FHIT: variants seen among roughly 807,000 people sequenced by gnomAD.
FHIT encodes the protein bis(5'-adenosyl)-triphosphatase.
Under a neutral mutation model 17.9 loss-of-function variants are expected in FHIT, and 19 were observed. The ratio of observed to expected loss-of-function variants is 1.06; its 90% CI spans 0.74 to 1.56. FHIT has a LOEUF of 1.56. Among genes scored for constraint, FHIT ranks in the 40% most tolerant of loss-of-function variants. The pLI is 0.00. For synonymous variants in FHIT, 81 were observed against 69.7 expected (o/e 1.16, Z -0.81); for missense variants, 248 against 189.2 (o/e 1.31, Z -1.82).
chr3:60,405,149 G>A (rs904507642), intron 5 of FHIT, among the ~76,000 whole-genome samples: 9 of 152,154 alleles, frequency 5.9e-5, no homozygotes, highest in African/African-American at 2.2e-4. Context: ...AAGCCTGAAA[G>A]CCTAGCTACA....
At chr3:61,048,141 C>A (rs1236062206) in intron 2 of FHIT, among the ~76,000 whole-genome samples, 20 of 151,942 alleles carry the variant, frequency 1.3e-4, no homozygotes, top group East Asian at 7.7e-4. Flanking sequence ...TAATTAAACT[C>A]AAGAGCTTCT....
intron 4 of FHIT, among the ~76,000 whole-genome samples, chr3:60,688,840 A>G (rs2040920626): frequency 6.6e-6 from 1 of 152,036 alleles, no homozygotes; most frequent in East Asian, 1.9e-4. Context: ...TGCTTTGTGT[A>G]GTTTATGCTT....
intron 5 of FHIT, among the ~76,000 whole-genome samples, chr3:60,327,256 G>A (rs543349319): frequency 9.9e-4 from 151 of 152,268 alleles, no homozygotes; most frequent in Admixed American, 1.6e-3. Flanking sequence ...TCACTGCTGT[G>A]TCCCCAGGAC....
At chr3:59,783,644 G>C (rs1197205730) in intron 8 of FHIT, among the ~76,000 whole-genome samples, 1 of 152,120 alleles carries the variant, frequency 6.6e-6, no homozygotes, top group African/African-American at 2.4e-5. Context: ...TCTTAGTTGA[G>C]AGAGGTGGTC....
chr3:59,798,190 G>A (rs1699854857), intron 8 of FHIT, among the ~76,000 whole-genome samples: 1 of 152,176 alleles, frequency 6.6e-6, no homozygotes, highest in Non-Finnish European at 1.5e-5. Flanking sequence ...ATCTAAGACA[G>A]TATTTCAGCT....
intron 5 of FHIT, among the ~76,000 whole-genome samples, chr3:60,285,589 T>C (rs1382257005): frequency 6.6e-6 from 1 of 152,150 alleles, no homozygotes; most frequent in Non-Finnish European, 1.5e-5. Context: ...AAAGAGATTT[T>C]TCAGGCATAA....
intron 8 of FHIT, among the ~76,000 whole-genome samples, chr3:59,851,854 C>T (rs1701951801): frequency 6.6e-6 from 1 of 152,180 alleles, no homozygotes. Context: ...GAAAATCAGA[C>T]ACGACTTTGC....
intron 2 of FHIT, among the ~76,000 whole-genome samples, chr3:61,127,665 G>C (rs1400171496): frequency 6.6e-6 from 1 of 151,984 alleles, no homozygotes; most frequent in African/African-American, 2.4e-5. Flanking sequence ...AGGAGTTCGA[G>C]ACCAGCCTGA....
intron 5 of FHIT, among the ~76,000 whole-genome samples, chr3:60,377,620 T>C (rs377486856): frequency 0.029 from 4,341 of 150,266 alleles, 103 homozygotes; most frequent in Middle Eastern, 0.066. Context: ...TAGCTGGGAC[T>C]ACAGGCGCCC....
At chr3:59,815,186 GT>G (rs1201064245) in intron 8 of FHIT, among the ~76,000 whole-genome samples, 4 of 152,004 alleles carry the variant, frequency 2.6e-5, no homozygotes, top group Non-Finnish European at 5.9e-5. Context: ...TCTGTTTTTT[GT>G]TTTTTTAACT....
Position 61,028,094 on chromosome 3 carries a change from C to T in FHIT, c.-111+13953G>A, listed in dbSNP as rs536976736. 2.0e-5 allele frequency among the ~76,000 whole-genome samples: 3 copies of T among 152,262 alleles called. No homozygotes were observed. The East Asian group carries it at 5.8e-4, about 29-fold the overall frequency. On this transcript the variant is annotated intron_variant, in intron 3 of 9. Coordinates refer to ENST00000492590, the MANE Select transcript of FHIT (RefSeq NM_002012.4). The stretch of plus-strand genomic sequence containing the variant: ...AAGGTTGGGTTATAAATGGTTTTAG[C>T]TTCAGGTAAGGCTACCAAATTAGAT...
intron 3 of FHIT, among the ~76,000 whole-genome samples, chr3:60,907,626 AG>A (rs1392964912): frequency 1.0e-5 from 1 of 97,908 alleles, no homozygotes; most frequent in Non-Finnish European, 2.7e-5. Flanking sequence ...GTGAAATGTC[AG>A]GGGGTAATAT....
rs142959371 is a variant in FHIT at position 61,047,237 on chromosome 3, G to A, written c.-163-5138C>T. On this transcript the variant is annotated intron_variant, in intron 2 of 9. Coordinates refer to ENST00000492590, the MANE Select transcript of FHIT (RefSeq NM_002012.4). Reference sequence around the variant, plus strand: ...GATTGTATATTTAGAAAACCCCATCGTCTCAGCCCAAAATCTCCTTAAGCT... The same window carrying A: ...GATTGTATATTTAGAAAACCCCATCATCTCAGCCCAAAATCTCCTTAAGCT... Among the ~76,000 whole-genome samples the A allele has an allele frequency of 3.4e-3, 519 of 152,248 alleles. 3 individuals carry two copies. Among genetic ancestry groups the A allele is most frequent in the African/African-American group, 0.012 (501 of 41,542 alleles).
chr3:60,344,896 A>G (rs1710699576), intron 5 of FHIT, among the ~76,000 whole-genome samples: 1 of 152,176 alleles, frequency 6.6e-6, no homozygotes, highest in Admixed American at 6.6e-5. Context: ...AAAAATTTCA[A>G]AGACATAGAA....
intron 1 of FHIT, among the ~76,000 whole-genome samples, chr3:61,201,523 C>T (rs1916800): frequency 0.43 from 65,732 of 151,882 alleles, 14,613 homozygotes; most frequent in East Asian, 0.58. Flanking sequence ...TACACCACAG[C>T]TTTTCCATGG....
intron 4 of FHIT, among the ~76,000 whole-genome samples, chr3:60,763,289 G>A (rs1553720535): frequency 6.6e-6 from 1 of 152,160 alleles, no homozygotes; most frequent in Non-Finnish European, 1.5e-5. Flanking sequence ...TGTTATGATT[G>A]TATTCACTTA....
chr3:60,431,434 A>C (rs1270558593), intron 5 of FHIT, among the ~76,000 whole-genome samples: 2 of 152,098 alleles, frequency 1.3e-5, no homozygotes, highest in Non-Finnish European at 2.9e-5. Context: ...CAGGATGCTT[A>C]GTGTAGCTGT....
At chr3:60,076,254 C>A (rs1160008652) in intron 5 of FHIT, among the ~76,000 whole-genome samples, 1 of 152,052 alleles carries the variant, frequency 6.6e-6, no homozygotes, top group Non-Finnish European at 1.5e-5. Context: ...ATGAAAGTGA[C>A]TTCATTTTCA....
intron 8 of FHIT, among the ~76,000 whole-genome samples, chr3:59,886,543 G>A (rs1277700000): frequency 4.6e-5 from 7 of 152,152 alleles, no homozygotes; most frequent in African/African-American, 1.4e-4. Context: ...GGGTGAAGGG[G>A]GGCTGTGTGT....
Sources: allele counts gnomAD v4.1 joint callset (sites outside exome capture counted in the v4.1 genomes callset), GRCh38; gene constraint gnomAD v4.1.1; transcripts MANE v1.5; gene names NCBI Gene and HGNC (gene_info 2026-07-23, HGNC 2026-07-21).